Variants in PRX observed in about 807,000 individuals in gnomAD.
PRX encodes the protein periaxin.
Under a neutral mutation model 29.6 loss-of-function variants are expected in PRX, and 24 were observed. The observed-to-expected ratio is 0.81, with a 90% CI of 0.59 to 1.14. PRX has a LOEUF of 1.14. Ranked by LOEUF, PRX falls within the 50% of genes most tolerant of loss-of-function variation. The pLI, the probability that PRX is intolerant of heterozygous loss-of-function variation, is 0.00. For missense variants in PRX, 1,838 were observed against 1,926.4 expected, an observed-to-expected ratio of 0.95 and a Z score of 0.86; for synonymous variants, 772 against 831.7, an observed-to-expected ratio of 0.93 and a Z score of 1.24.
rs188765166 is a variant in PRX, at chr19:40,395,637, G to T, written c.2715C>A (p.Thr905=). ...CAATTTCCACGGCGGGCAGCTGTGG[G>T]GTGACAATTTCAACAGAGGGCACTC... The part of the protein sequence containing the change: ...GFRVPSVEIV[T]PQLPAVEIEE... Residue 905 remains threonine, a synonymous_variant, in exon 7 of 7, where the codon ACC becomes ACA. Transcript: ENST00000324001. The T allele has an allele frequency of 4.6e-5, 74 of 1,614,158 alleles. No homozygotes were observed. The highest frequency in any genetic ancestry group is 5.5e-5 in the Non-Finnish European group (65 of 1,180,038).
In PRX at chr19:40,395,389, G is replaced by A; in HGVS notation, c.2963C>T (p.Ala988Val). ...KGAGEAGLLP[A>V]LDLSIPQLSL... ...GAGCTGTGGGATGGACAGATCGAGG[G>A]CAGGCAGCAGGCCTGCCTCCCCAGC... Residue 988 changes from alanine (A) to valine (V), a missense_variant, in exon 7 of 7, where the codon GCC becomes GTC. By Grantham distance (64) the Ala-to-Val change is moderately conservative. This residue lies in a region of PRX where 1,143 missense variants were observed against 1,193.0 expected (regional missense o/e 0.96). Transcript: ENST00000324001. 1 of 1,613,738 alleles carries A rather than the reference G, an allele frequency of 6.2e-7. No homozygotes were observed. The highest frequency in any genetic ancestry group is 1.1e-5 in the South Asian group (1 of 91,076).
Position 40,395,328 on chromosome 19 carries a change from C to T in PRX, c.3024G>A (p.Glu1008=). Residue 1008 remains glutamate (E), a synonymous_variant, in exon 7 of 7, where the codon GAG becomes GAA. Transcript: ENST00000324001. Reference sequence around the variant, plus strand: ...TGAACTTGAGGTCGGCCCCTGCCACCTCTACCTTGCCTGAGGGCAGGTGGG... The same window carrying T: ...TGAACTTGAGGTCGGCCCCTGCCACTTCTACCTTGCCTGAGGGCAGGTGGG... The part of the protein sequence containing the change: ...LDAHLPSGKV[E]VAGADLKFKG... 1 of 1,613,684 alleles carries T rather than the reference C, an allele frequency of 6.2e-7. No homozygotes were observed. The highest frequency in any genetic ancestry group is 8.5e-7 in the Non-Finnish European group (1 of 1,180,036).
In PRX at chr19:40,397,713, G is replaced by A; in HGVS notation, c.639C>T (p.Pro213=). Reference sequence around the variant, plus strand: ...CAGCCTCCACCTTGGCTTTCCTGGGGGGAGGAGCGGCGGCGGCCAGCCGGG... The same window carrying A: ...CAGCCTCCACCTTGGCTTTCCTGGGAGGAGGAGCGGCGGCGGCCAGCCGGG... ...QAARLAAAAP[P]PRKAKVEAEV... The change falls in exon 7 of 7, where the codon CCC becomes CCT. Residue 213 remains proline (P), a synonymous_variant. Transcript: ENST00000324001. The A allele has an allele frequency of 6.4e-7, 1 of 1,560,912 alleles. No individual in the cohort carries two copies. The highest frequency in any genetic ancestry group is 2.3e-5 in the East Asian group (1 of 42,928).
rs144325974 is a variant in PRX at position 40,400,818 on chromosome 19, C to T, written c.185-2002G>A. 1.0e-3 allele frequency among the ~76,000 whole-genome samples: 156 copies of T among 152,176 alleles called. 1 individual carries two copies. The highest frequency in any genetic ancestry group is 3.6e-3 in the African/African-American group (150 of 41,508). ...TCTCTGTCTACATGCTCAAGTCACCCCTTGGGAATTCTTGGGAAGTTCATC... is the reference window on the plus strand; with the variant it reads ...TCTCTGTCTACATGCTCAAGTCACCTCTTGGGAATTCTTGGGAAGTTCATC... On this transcript the variant is annotated intron_variant, in intron 5 of 6. Coordinates refer to ENST00000324001, the MANE Select transcript of PRX (RefSeq NM_181882.3).
In PRX at chr19:40,403,926, T is replaced by C; in HGVS notation, c.28-64A>G. The stretch of plus-strand genomic sequence containing the variant: ...GCCGGACCTCGCCCAGAGCCCGCCA[T>C]TGCGCTCAACAGTGGCTCATATACA... On this transcript the variant is annotated intron_variant, in intron 4 of 6. Coordinates refer to ENST00000324001, the MANE Select transcript of PRX (RefSeq NM_181882.3). The C allele has an allele frequency of 2.6e-6, 4 of 1,564,030 alleles. No homozygotes were observed. In the East Asian group the frequency reaches 9.3e-5, roughly 36 times the overall value.
Position 40,394,234 on chromosome 19 carries a change from C to T in PRX, c.4118G>A (p.Arg1373Gln), listed in dbSNP as rs763294661. 97 of 1,604,670 alleles carry T rather than the reference C, an allele frequency of 6.0e-5. No individual in the cohort carries two copies. The highest frequency in any genetic ancestry group is 1.3e-4 in the East Asian group (6 of 44,618). Residue 1373 changes from arginine to glutamine, a missense_variant, in exon 7 of 7, where the codon CGG becomes CAG. Physicochemically the swap from Arg to Gln is conservative, Grantham distance 43. Transcript: ENST00000324001. The surrounding 1 kb of genome is among the most constrained non-coding windows in gnomAD (Gnocchi z 5.8). Reference protein sequence around the residue: ...SGEGASGRRGRVRVRLPRVGL... With the variant: ...SGEGASGRRGQVRVRLPRVGL... ...TACACGTGGCAAGCGGACCCGGACC[C>T]GGCCCCGGCGACCCGAGGCCCCTTC... is the stretch of plus-strand genomic sequence containing the variant.
rs139188673 is a variant in PRX at position 40,395,166 on chromosome 19, C to A, written c.3186G>T (p.Lys1062Asn). The A allele has an allele frequency of 1.6e-3, 2,611 of 1,614,204 alleles. 2 individuals carry two copies. The highest frequency in any genetic ancestry group is 2.0e-3 in the Non-Finnish European group (2,336 of 1,180,030). The change falls in exon 7 of 7, where the codon AAG (lysine) becomes AAT (asparagine). Residue 1062 changes from lysine to asparagine, a missense_variant. Physicochemically the swap from Lys to Asn is moderately conservative, Grantham distance 94. Transcript: ENST00000324001. ...WDGRVKMPKL[K>N]MPSFGLARGK... ...CTCGAGCCAGCCCAAAGGAAGGCAT[C>A]TTCAGCTTGGGCATCTTCACCCTCC...
chr19:40,408,844 TGTGA>T (rs1204343034), intron 1 of PRX, among the ~76,000 whole-genome samples: 110 of 151,030 alleles, frequency 7.3e-4, no homozygotes, highest in African/African-American at 2.4e-3. Flanking sequence ...TGTGTGTGTG[TGTGA>T]GAGAGAGAGT....
rs755370466 is a variant in PRX, at chr19:40,396,429, G to A, written c.1923C>T (p.Leu641=). 3 of 1,613,020 alleles carry A rather than the reference G, an allele frequency of 1.9e-6. No individual in the cohort carries two copies. The highest frequency in any genetic ancestry group is 2.2e-5 in the East Asian group (1 of 44,832). ...LPEMKLPEVK[L]PKVPEMAVPD... ...GCACAGCCATCTCGGGCACCTTCGG[G>A]AGTTTCACCTCAGGGAGTTTCATCT... Residue 641 remains leucine (L), a synonymous_variant, in exon 7 of 7, where the codon CTC becomes CTT. Transcript: ENST00000324001.
At chr19:40,400,487 G>A (rs2079486478) in intron 5 of PRX, among the ~76,000 whole-genome samples, 1 of 149,138 alleles carries the variant, frequency 6.7e-6, no homozygotes. Context: ...AGCTACTAGG[G>A]AGGCCGAGGC....
Position 40,394,868 on chromosome 19 carries a change from C to A in PRX, c.3484G>T (p.Glu1162Ter). 1 of 1,612,020 alleles carries A rather than the reference C, an allele frequency of 6.2e-7. No homozygotes were observed. Among genetic ancestry groups the A allele is most frequent in the Non-Finnish European group, 8.5e-7 (1 of 1,179,996 alleles). Residue 1162 changes from glutamate to a stop codon, truncating the protein, a stop_gained, in exon 7 of 7, where the codon GAG becomes TAG. Transcript: ENST00000324001. LOFTEE classifies it high-confidence loss of function. This position sits in a 1 kb window ranked among gnomAD's most constrained non-coding sequence, Gnocchi z 5.8. ...GCCTGCTGCCCTGGGGTACCTGCCT[C>A]CCCAAAGCCGGTCAGCTCCACCTGT... ...LPQVELTGFG[E>*]AGTPGQQAQS...
intron 5 of PRX, among the ~76,000 whole-genome samples, chr19:40,399,472 G>A (rs2079473069): frequency 1.3e-5 from 2 of 152,130 alleles, no homozygotes; most frequent in Admixed American, 1.3e-4. Context: ...TCACACCTCT[G>A]ACCCTGCTTT....
intron 5 of PRX, among the ~76,000 whole-genome samples, chr19:40,399,766 A>G (rs1024318953): frequency 1.3e-5 from 2 of 151,966 alleles, no homozygotes; most frequent in East Asian, 3.9e-4. Flanking sequence ...CCAATCTCAA[A>G]TTCCTAGGCT....
chr19:40,409,870 C>G (rs969709326), intron 1 of PRX, among the ~76,000 whole-genome samples: 2 of 152,174 alleles, frequency 1.3e-5, no homozygotes, highest in African/African-American at 4.8e-5. Context: ...CTTGTGCAAT[C>G]AGCTACTACT....
chr19:40,401,652 C>T (rs1158700267), intron 5 of PRX, among the ~76,000 whole-genome samples: 1 of 152,158 alleles, frequency 6.6e-6, no homozygotes, highest in Non-Finnish European at 1.5e-5. Context: ...ACTGTTTCTA[C>T]CACAAGCTAG....
intron 5 of PRX, among the ~76,000 whole-genome samples, chr19:40,401,768 C>A (rs925198091): frequency 1.1e-4 from 16 of 146,016 alleles, no homozygotes; most frequent in African/African-American, 4.0e-4. Context: ...CCAGCCCACC[C>A]CTTTTTTTTT....
chr19:40,407,212 T>TTGTGTG (rs72256185), intron 4 of PRX, among the ~76,000 whole-genome samples: 1,584 of 133,854 alleles, frequency 0.012, 18 homozygotes, highest in Non-Finnish European at 0.015. Context: ...TTATATGCCC[T>TTGTGTG]TGTGTGTGTG....
At position 40,405,081 on chromosome 19, in the gene PRX, C is replaced by G. The variant is rs573088815; in HGVS notation, c.28-1219G>C. Among the ~76,000 whole-genome samples the G allele has an allele frequency of 1.9e-4, 29 of 152,124 alleles. No individual in the cohort carries two copies. The South Asian group carries it at 6.0e-3, about 32-fold the overall frequency. On this transcript the variant is annotated intron_variant, in intron 4 of 6. Coordinates refer to ENST00000324001, the MANE Select transcript of PRX (RefSeq NM_181882.3). ...GTGCTCTATTGTAAATTCAATGACCCGAAGACCTGTGAAACGCCCACAGGA... is the reference window on the plus strand; with the variant it reads ...GTGCTCTATTGTAAATTCAATGACCGGAAGACCTGTGAAACGCCCACAGGA...
intron 1 of PRX, among the ~76,000 whole-genome samples, chr19:40,412,069 A>G (rs1350072180): frequency 6.6e-6 from 1 of 152,144 alleles, no homozygotes; most frequent in Non-Finnish European, 1.5e-5. Flanking sequence ...TGTCATTCGG[A>G]GGCTGCTGAG....
Sources: gnomAD v4.1 joint callset for allele counts (sites outside exome capture counted in the v4.1 genomes callset) on GRCh38, gnomAD v4.1.1 for gene constraint, gnomAD v4.1.1 regional missense constraint, Gnocchi (gnomAD v3.1) non-coding constraint, MANE v1.5 for transcripts, NCBI Gene and HGNC (gene_info 2026-07-23, HGNC 2026-07-21) for gene names.